Variants in RPS6KB1 observed in about 807,000 individuals in gnomAD.
The protein encoded by RPS6KB1 is ribosomal protein S6 kinase beta-1.
A neutral mutation model predicts 70.2 loss-of-function variants in RPS6KB1; 12 were observed. The observed-to-expected ratio is 0.17, with a 90% CI of 0.11 to 0.28. The LOEUF (loss-of-function observed/expected upper bound fraction) is 0.28, where lower values mean the gene tolerates loss of function less well. Ranked by LOEUF, RPS6KB1 falls within the 10% of genes least tolerant of loss-of-function variation. RPS6KB1 has a pLI of 1.00. For missense variants in RPS6KB1, 270 were observed against 646.6 expected (o/e 0.42, Z 6.32); for synonymous variants, 175 against 211.2 (o/e 0.83, Z 1.49).
At position 59,950,511 on chromosome 17, in the gene RPS6KB1, TAA is replaced by T; in HGVS notation, c.*3724_*3725del. 1.3e-5 allele frequency: 2 copies of T among 152,276 alleles called. No individual in the cohort carries two copies. The highest frequency in any genetic ancestry group is 3.9e-4 in the East Asian group (2 of 5,176). 9.4% of individuals were successfully genotyped at this position (152,276 alleles called of 1,614,324 possible). ...GTGTATAAATGGTTTAAATTTATTTTAACATGTCAGATGTGTTCAAGTTGTCA... is the reference window on the plus strand; with the variant it reads ...GTGTATAAATGGTTTAAATTTATTTTCATGTCAGATGTGTTCAAGTTGTCA... On this transcript the variant is annotated 3_prime_UTR_variant, in exon 15 of 15. Transcript: ENST00000225577.
rs1377198397 is a variant in RPS6KB1 at position 59,950,516 on chromosome 17, T to C, written c.*3728T>C. 1 of 144,188 alleles carries C rather than the reference T, an allele frequency of 6.9e-6. No individual in the cohort carries two copies. 8.9% of individuals were successfully genotyped at this position (144,188 alleles called of 1,614,324 possible). On this transcript the variant is annotated 3_prime_UTR_variant, in exon 15 of 15. Transcript: ENST00000225577. Reference sequence around the variant, plus strand: ...TAAATGGTTTAAATTTATTTTAACATGTCAGATGTGTTCAAGTTGTCATAT... The same window carrying C: ...TAAATGGTTTAAATTTATTTTAACACGTCAGATGTGTTCAAGTTGTCATAT...
chr17:59,926,266 G>A (rs2043601038), intron 4 of RPS6KB1, 169 bp from the exon 5 acceptor site: 1 of 584,504 alleles, frequency 1.7e-6, no homozygotes, highest in South Asian at 2.5e-5. Context: ...CTGCACAGAG[G>A]CATATATAAA....
intron 1 of RPS6KB1, among the ~76,000 whole-genome samples, chr17:59,899,975 G>A (rs540773772): frequency 6.6e-6 from 1 of 151,860 alleles, no homozygotes; most frequent in South Asian, 2.1e-4. Flanking sequence ...GACCAACCTG[G>A]CCAACAAAAC....
chr17:59,947,045 A>T lies in RPS6KB1; in HGVS notation c.*257A>T, dbSNP rs2145088436. On this transcript the variant is annotated 3_prime_UTR_variant, in exon 15 of 15. Transcript: ENST00000225577. The stretch of plus-strand genomic sequence containing the variant: ...TTCCTCGCGACATCTTCTCAACCTT[A>T]TCAAGGATTTTCATGTTGATGACTC... The T allele has an allele frequency of 3.1e-6, 4 of 1,304,146 alleles. No homozygotes were observed. The highest frequency in any genetic ancestry group is 6.0e-4 in the Middle Eastern group (2 of 3,344). 80.8% of individuals were successfully genotyped at this position (1,304,146 alleles called of 1,614,324 possible).
At chr17:59,922,966 G>A (rs1402114039) in intron 4 of RPS6KB1, among the ~76,000 whole-genome samples, 8 of 145,124 alleles carry the variant, frequency 5.5e-5, no homozygotes, top group African/African-American at 7.8e-5. Context: ...TCCCAGGTTC[G>A]AGCAATTCTC....
intron 4 of RPS6KB1, among the ~76,000 whole-genome samples, chr17:59,925,533 G>A (rs1386511245): frequency 6.6e-6 from 1 of 151,236 alleles, no homozygotes; most frequent in African/African-American, 2.4e-5. Context: ...CTTCTTAGTT[G>A]GTTTATTATA....
At chr17:59,902,604 G>T (rs531220774) in intron 1 of RPS6KB1, among the ~76,000 whole-genome samples, 18 of 149,352 alleles carry the variant, frequency 1.2e-4, no homozygotes, top group Non-Finnish European at 2.2e-4. Context: ...TGGAGATAGG[G>T]TCTCACTCCG....
At chr17:59,932,605 A>G (rs2043990721) in intron 7 of RPS6KB1, among the ~76,000 whole-genome samples, 1 of 142,560 alleles carries the variant, frequency 7.0e-6, no homozygotes, top group African/African-American at 2.7e-5. Flanking sequence ...AGGCTAGAGT[A>G]TGGTGGCATG....
chr17:59,933,393 A>G (rs1481333130), intron 7 of RPS6KB1, among the ~76,000 whole-genome samples: 2 of 152,058 alleles, frequency 1.3e-5, no homozygotes, highest in African/African-American at 2.4e-5. Flanking sequence ...TGAGTGTATC[A>G]GATGGTTCTG....
chr17:59,896,865 G>A (rs962188910), intron 1 of RPS6KB1, among the ~76,000 whole-genome samples: 3 of 151,216 alleles, frequency 2.0e-5, no homozygotes, highest in African/African-American at 7.3e-5. Flanking sequence ...TTTGGAGTAC[G>A]ATTGGGTTGA....
intron 4 of RPS6KB1, among the ~76,000 whole-genome samples, chr17:59,915,654 C>T (rs755562395): frequency 1.4e-4 from 20 of 145,952 alleles, no homozygotes; most frequent in Non-Finnish European, 2.3e-4. Flanking sequence ...TTAGTGTAGA[C>T]GGGGTTTCAC....
intron 1 of RPS6KB1, among the ~76,000 whole-genome samples, chr17:59,909,372 A>G (rs1312177892): frequency 2.0e-5 from 3 of 148,454 alleles, no homozygotes; most frequent in South Asian, 2.1e-4. Flanking sequence ...GGTTCAAGCA[A>G]TTCTCCTGCC....
At chr17:59,944,791 C>CTTTTTTTTTTTTTTTTTTTTTATTTTTTT (rs3066277) in intron 13 of RPS6KB1, among the ~76,000 whole-genome samples, 1 of 134,490 alleles carries the variant, frequency 7.4e-6, no homozygotes, top group East Asian at 2.2e-4. Flanking sequence ...TATTTAACAT[C>CTTTTTTTTTTTTTTTTTTTTTATTTTTTT]TTTTTTTTTT....
chr17:59,918,607 C>T (rs2144849939), intron 4 of RPS6KB1, among the ~76,000 whole-genome samples: 1 of 151,654 alleles, frequency 6.6e-6, no homozygotes, highest in Admixed American at 6.6e-5. Flanking sequence ...TGACCTCAGG[C>T]AAAACGTCCA....
chr17:59,948,013 G>T lies in RPS6KB1; in HGVS notation c.*1225G>T, dbSNP rs2045029464. ...TATACTTGGGCTACATTTTTTGATT[G>T]TAAAAATATTTGATGGCCTTTTGAT... On this transcript the variant is annotated 3_prime_UTR_variant, in exon 15 of 15. Transcript: ENST00000225577. 1 of 160,684 alleles carries T rather than the reference G, an allele frequency of 6.2e-6. No individual in the cohort carries two copies. Among genetic ancestry groups the T allele is most frequent in the South Asian group, 2.0e-4 (1 of 4,898 alleles). 10.0% of individuals were successfully genotyped at this position (160,684 alleles called of 1,614,324 possible). A position where few individuals can be genotyped will look rare whatever the true frequency, so the allele number is the denominator to read the frequency against.
chr17:59,929,830 C>G (rs1255682308), intron 5 of RPS6KB1, among the ~76,000 whole-genome samples: 2 of 152,090 alleles, frequency 1.3e-5, no homozygotes, highest in African/African-American at 4.8e-5. Context: ...TTTTTAACCT[C>G]AGGTCTGGAA....
intron 13 of RPS6KB1, among the ~76,000 whole-genome samples, chr17:59,943,001 TA>T (rs2044706367): frequency 6.6e-6 from 1 of 151,866 alleles, no homozygotes; most frequent in Admixed American, 6.6e-5. Flanking sequence ...AAAAATTAAT[TA>T]AAAAAATTAA....
chr17:59,899,160 C>T (rs1055348969), intron 1 of RPS6KB1, among the ~76,000 whole-genome samples: 18 of 150,212 alleles, frequency 1.2e-4, no homozygotes, highest in African/African-American at 1.7e-4. Flanking sequence ...GCCAAGATCG[C>T]GCCATTGTTC....
At chr17:59,939,295 G>A (rs1020790672) in intron 12 of RPS6KB1, among the ~76,000 whole-genome samples, 2 of 151,200 alleles carry the variant, frequency 1.3e-5, no homozygotes, top group Non-Finnish European at 3.0e-5. Context: ...TTCATTTATT[G>A]TTTTGAGGCA....
Sources: gnomAD v4.1 joint callset for allele counts (sites outside exome capture counted in the v4.1 genomes callset) on GRCh38, gnomAD v4.1.1 for gene constraint, MANE v1.5 for transcripts, NCBI Gene and HGNC (gene_info 2026-07-23, HGNC 2026-07-21) for gene names.